RDX: variants seen among roughly 807,000 people sequenced by gnomAD.
RDX encodes the protein radixin, also known as deafness, autosomal recessive 24.
A neutral mutation model predicts 83.7 loss-of-function variants in RDX; 32 were observed. The ratio of observed to expected loss-of-function variants is 0.38; its 90% CI spans 0.29 to 0.51. RDX has a LOEUF of 0.51. Ranked by LOEUF, RDX falls within the 20% of genes least tolerant of loss-of-function variation. RDX has a pLI of 0.87. For missense variants in RDX, 600 were observed against 689.9 expected (o/e 0.87, Z 1.46); for synonymous variants, 229 against 222.7 (o/e 1.03, Z -0.25).
chr11:110,186,746 C>A (rs925581523), intron 15 of RDX, among the ~76,000 whole-genome samples: 3 of 152,144 alleles, frequency 2.0e-5, no homozygotes, highest in Non-Finnish European at 4.4e-5. Context: ...AGCCCTGGAG[C>A]GGACTTATGA....
At chr11:110,296,373 G>A (rs1304795308) in intron 1 of RDX, 94 bp downstream of exon 1, 2 of 151,768 alleles carry the variant, frequency 1.3e-5, no homozygotes, top group Admixed American at 6.6e-5. Flanking sequence ...GCCACGGCCG[G>A]GCAGCACGGG....
intron 2 of RDX, among the ~76,000 whole-genome samples, chr11:110,274,970 C>T (rs1860454280): frequency 6.6e-6 from 1 of 152,128 alleles, no homozygotes; most frequent in African/African-American, 2.4e-5. Flanking sequence ...CTACTTTTAC[C>T]ACATAATGCT....
chr11:110,215,359 T>C (rs1864003485), intron 14 of RDX, among the ~76,000 whole-genome samples: 1 of 137,700 alleles, frequency 7.3e-6, no homozygotes, highest in Admixed American at 7.5e-5. Flanking sequence ...CGAGACTCCA[T>C]CTCAAAAAAT....
chr11:110,202,764 C>T (rs1298476715), intron 14 of RDX, among the ~76,000 whole-genome samples: 1 of 151,670 alleles, frequency 6.6e-6, no homozygotes, highest in Admixed American at 6.6e-5. Context: ...CAAATGGCAG[C>T]AGATATATGA....
chr11:110,217,168 C>T (rs1479906927), intron 14 of RDX, among the ~76,000 whole-genome samples: 1 of 152,194 alleles, frequency 6.6e-6, no homozygotes, highest in Non-Finnish European at 1.5e-5. Flanking sequence ...TCCTCAGAGA[C>T]TTTTTCTTAC....
At chr11:110,255,472 A>C (rs2306085) in intron 7 of RDX, 87 bp from the exon 8 acceptor site, 1 of 738,576 alleles carries the variant, frequency 1.4e-6, no homozygotes, top group Non-Finnish European at 2.5e-6. Context: ...TGAATGACCA[A>C]TCTTAAGAGT....
chr11:110,287,665 CA>C lies in RDX; in HGVS notation c.-64-7910del, dbSNP rs1861041855. 2.0e-5 allele frequency among the ~76,000 whole-genome samples: 3 copies of C among 152,134 alleles called. No individual in the cohort carries two copies. In the South Asian group the frequency reaches 6.2e-4, roughly 32 times the overall value. On this transcript the variant is annotated intron_variant, in intron 1 of 13. Transcript: ENST00000645495. ...CATTTTGCAAGTAAAGAAATAAGGC[CA>C]AAAGCAAGAAGGGTAGTGAATACAG...
intron 1 of RDX, among the ~76,000 whole-genome samples, chr11:110,284,116 G>A (rs1448319972): frequency 6.6e-6 from 1 of 152,192 alleles, no homozygotes; most frequent in African/African-American, 2.4e-5. Flanking sequence ...GACGAACAAC[G>A]TTGGTAAACA....
chr11:110,236,904 G>A (rs1864876026), intron 11 of RDX, among the ~76,000 whole-genome samples: 1 of 151,946 alleles, frequency 6.6e-6, no homozygotes, highest in Non-Finnish European at 1.5e-5. Context: ...ACAGGCGTGA[G>A]CCACTGTGCC....
chr11:110,289,968 A>AAAAAAAAC (rs1565338365), intron 1 of RDX, among the ~76,000 whole-genome samples: 2 of 147,250 alleles, frequency 1.4e-5, no homozygotes, highest in Non-Finnish European at 3.0e-5. Flanking sequence ...AAAAAAAAAA[A>AAAAAAAAC]AAAAAAAAAA....
At chr11:110,236,280 T>G in intron 11 of RDX, 89 bp from the exon 12 acceptor site, 1 of 938,770 alleles carries the variant, frequency 1.1e-6, no homozygotes, top group Admixed American at 2.1e-5. Context: ...ATGCTTAGGC[T>G]GTTTATGTTT....
At chr11:110,278,944 A>G (rs979372796) in intron 2 of RDX, among the ~76,000 whole-genome samples, 21 of 152,140 alleles carry the variant, frequency 1.4e-4, no homozygotes, top group African/African-American at 4.6e-4. Context: ...AAGAAGAACC[A>G]AATAACTATA....
intron 1 of RDX, among the ~76,000 whole-genome samples, chr11:110,284,588 T>C (rs1860903787): frequency 6.6e-6 from 1 of 151,838 alleles, no homozygotes. Context: ...TGGCGCGATA[T>C]CGGCTCACTG....
intron 2 of RDX, 118 bp from the exon 3 acceptor site, chr11:110,272,737 T>C: frequency 2.7e-6 from 2 of 750,756 alleles, no homozygotes; most frequent in Non-Finnish European, 4.5e-6. Context: ...AAATCTTAAA[T>C]CTATTTGAAA....
chr11:110,253,038 G>C (rs1334924752), intron 9 of RDX, among the ~76,000 whole-genome samples: 1 of 152,050 alleles, frequency 6.6e-6, no homozygotes, highest in Non-Finnish European at 1.5e-5. Context: ...AAGATAATTT[G>C]AGTTAATATG....
intron 15 of RDX, among the ~76,000 whole-genome samples, chr11:110,191,881 C>T (rs1185602541): frequency 1.3e-5 from 2 of 151,902 alleles, no homozygotes; most frequent in Non-Finnish European, 2.9e-5. Context: ...TAAAATAAAT[C>T]ATAGATGATC....
intron 10 of RDX, among the ~76,000 whole-genome samples, chr11:110,239,147 A>T (rs1864980994): frequency 6.6e-6 from 1 of 151,980 alleles, no homozygotes; most frequent in Non-Finnish European, 1.5e-5. Context: ...AAAAATCAGT[A>T]GCTATTTATA....
At chr11:110,237,137 T>C (rs187691282) in intron 11 of RDX, among the ~76,000 whole-genome samples, 1 of 149,356 alleles carries the variant, frequency 6.7e-6, no homozygotes, top group African/African-American at 2.4e-5. Context: ...TATATAACTA[T>C]AACATATATC....
At chr11:110,238,229 T>C (rs1482630443) in intron 10 of RDX, among the ~76,000 whole-genome samples, 1 of 152,124 alleles carries the variant, frequency 6.6e-6, no homozygotes, top group Admixed American at 6.5e-5. Context: ...TATTGAAAAA[T>C]GTGAGTTATT....
Sources: allele counts gnomAD v4.1 joint callset (sites outside exome capture counted in the v4.1 genomes callset), GRCh38; gene constraint gnomAD v4.1.1; transcripts MANE v1.5; gene names NCBI Gene and HGNC (gene_info 2026-07-23, HGNC 2026-07-21).